SLC44A1: variants seen among roughly 807,000 people sequenced by gnomAD.
SLC44A1 encodes the protein choline transporter-like protein 1.
SLC44A1 carries 26 observed loss-of-function variants against 79.3 expected under a neutral mutation model. The observed-to-expected ratio is 0.33, with a 90% CI of 0.24 to 0.46. The LOEUF is 0.46. Ranked by LOEUF, SLC44A1 falls within the 20% of genes least tolerant of loss-of-function variation. The pLI, the probability that SLC44A1 is intolerant of heterozygous loss-of-function variation, is 1.00. For missense variants in SLC44A1, 688 were observed against 798.1 expected, an observed-to-expected ratio of 0.86 and a Z score of 1.66; for synonymous variants, 263 against 286.2, an observed-to-expected ratio of 0.92 and a Z score of 0.82.
intron 3 of SLC44A1, among the ~76,000 whole-genome samples, chr9:105,315,857 T>C (rs1014949405): frequency 6.6e-6 from 1 of 152,220 alleles, no homozygotes; most frequent in African/African-American, 2.4e-5. Context: ...CTCTTCCTCG[T>C]GATGACTTAA....
downstream of SLC44A1, among the ~76,000 whole-genome samples, chr9:105,397,656 T>C (rs1349293302): frequency 1.3e-5 from 2 of 152,064 alleles, no homozygotes; most frequent in East Asian, 1.9e-4. Context: ...TAGAAAAGCC[T>C]CCACTGGGCC....
intron 13 of SLC44A1, among the ~76,000 whole-genome samples, chr9:105,380,832 C>T (rs1413605703): frequency 2.6e-5 from 4 of 152,116 alleles, no homozygotes; most frequent in Non-Finnish European, 5.9e-5. Flanking sequence ...AACTACTGGG[C>T]TTTATCATGG....
Position 105,394,704 on chromosome 9 carries a change from T to C in SLC44A1, c.*5648T>C. 1.0e-6 allele frequency: 1 copy of C among 985,428 alleles called. No individual in the cohort carries two copies. Among genetic ancestry groups the C allele is most frequent in the Non-Finnish European group, 1.2e-6 (1 of 829,930 alleles). The allele number at this position is 985,428 out of a possible 1,614,324, so 61.0% of individuals were successfully genotyped here. On this transcript the variant is annotated 3_prime_UTR_variant, in exon 16 of 16. Transcript: ENST00000374720. ...TTCCAACAACAGTTGAAGATGATGA[T>C]AAATTAGCAAACTCAAGGGTAGTCC...
chr9:105,306,210 C>T (rs1170237378), intron 2 of SLC44A1, among the ~76,000 whole-genome samples: 1 of 152,158 alleles, frequency 6.6e-6, no homozygotes, highest in East Asian at 1.9e-4. Context: ...CTTCCTACTC[C>T]ATGCTTATGA....
At chr9:105,258,833 G>A (rs1006183979) in intron 1 of SLC44A1, among the ~76,000 whole-genome samples, 5 of 151,786 alleles carry the variant, frequency 3.3e-5, no homozygotes, top group Admixed American at 6.6e-5. Flanking sequence ...GATTATAGGC[G>A]CCAACCACAA....
At chr9:105,365,086 C>A (rs1827898882) in intron 10 of SLC44A1, among the ~76,000 whole-genome samples, 1 of 152,152 alleles carries the variant, frequency 6.6e-6, no homozygotes, top group African/African-American at 2.4e-5. Context: ...TGTGAGTTCC[C>A]TTTGCTAACT....
intron 12 of SLC44A1, among the ~76,000 whole-genome samples, chr9:105,370,198 A>G (rs1360512225): frequency 6.6e-6 from 1 of 152,220 alleles, no homozygotes; most frequent in African/African-American, 2.4e-5. Context: ...ATTCTTAAGA[A>G]CTTAAGCAAG....
At chr9:105,362,062 G>GCA (rs1491281033) in intron 8 of SLC44A1, among the ~76,000 whole-genome samples, 1 of 150,384 alleles carries the variant, frequency 6.6e-6, no homozygotes, top group African/African-American at 2.4e-5. Flanking sequence ...GCGTGTGTGT[G>GCA]CGCGCGCGCG....
intron 1 of SLC44A1, among the ~76,000 whole-genome samples, chr9:105,258,196 G>A (rs1326085921): frequency 6.6e-6 from 1 of 152,164 alleles, no homozygotes; most frequent in African/African-American, 2.4e-5. Flanking sequence ...AGTTGAGATG[G>A]GGACTAGTTT....
rs192413714 is a variant in SLC44A1, at chr9:105,406,632, C to A, written c.1950+21130C>A. Among the ~76,000 whole-genome samples the A allele has an allele frequency of 2.0e-5, 3 of 152,244 alleles. No individual in the cohort carries two copies. In the East Asian group the frequency reaches 5.8e-4, roughly 29 times the overall value. ...TGGCGTGCATCTGTAGTCCCACCTACTCAGGAGGCTGAGGTGGGAGGCTTC... is the reference window on the plus strand; with the variant it reads ...TGGCGTGCATCTGTAGTCCCACCTAATCAGGAGGCTGAGGTGGGAGGCTTC... On this transcript the variant is annotated intron_variant, in intron 15 of 15. Transcript: ENST00000374724.
At position 105,394,199 on chromosome 9, in the gene SLC44A1, G is replaced by A; in HGVS notation, c.*5143G>A. 1.0e-6 allele frequency: 1 copy of A among 985,364 alleles called. No homozygotes were observed. The allele number at this position is 985,364 out of a possible 1,614,324, so 61.0% of individuals were successfully genotyped here. A position where few individuals can be genotyped will look rare whatever the true frequency, so the allele number is the denominator to read the frequency against. On this transcript the variant is annotated 3_prime_UTR_variant, in exon 16 of 16. Coordinates refer to ENST00000374720, the MANE Select transcript of SLC44A1 (RefSeq NM_080546.5). ...TGCTCTAAAGTTGTTCTGATAATGTGTTTTGAAATGAGGAAGTGATTAGGC... is the reference window on the plus strand; with the variant it reads ...TGCTCTAAAGTTGTTCTGATAATGTATTTTGAAATGAGGAAGTGATTAGGC...
intron 5 of SLC44A1, among the ~76,000 whole-genome samples, chr9:105,348,886 C>G (rs1324656160): frequency 1.3e-5 from 2 of 151,828 alleles, no homozygotes; most frequent in Admixed American, 1.3e-4. Flanking sequence ...GTGATTATTC[C>G]CCATAGTTTC....
downstream of SLC44A1, among the ~76,000 whole-genome samples, chr9:105,400,489 A>AAAAAAG (rs1554690314): frequency 6.6e-6 from 1 of 151,784 alleles, no homozygotes; most frequent in African/African-American, 2.4e-5. Flanking sequence ...CGCCATCTCA[A>AAAAAAG]AAAAAGAAAA....
At chr9:105,308,470 G>T (rs180694503) in intron 2 of SLC44A1, among the ~76,000 whole-genome samples, 3 of 152,308 alleles carry the variant, frequency 2.0e-5, no homozygotes, top group Admixed American at 6.5e-5. Flanking sequence ...TTTTTACGAA[G>T]TATAGCTTCA....
chr9:105,371,700 C>T (rs1311595624), intron 12 of SLC44A1, among the ~76,000 whole-genome samples: 1 of 111,400 alleles, frequency 9.0e-6, no homozygotes, highest in Non-Finnish European at 1.6e-5. Flanking sequence ...GCCTGGGCGA[C>T]AGAGTGAGAC....
At chr9:105,311,535 G>C (rs1436953156) in intron 3 of SLC44A1, among the ~76,000 whole-genome samples, 1 of 152,052 alleles carries the variant, frequency 6.6e-6, no homozygotes, top group African/African-American at 2.4e-5. Flanking sequence ...AGTAGAGCAG[G>C]CTGCAAATAC....
chr9:105,351,674 G>GAAAGAAAGAAAGAAAGAAAC (rs1359633907), intron 5 of SLC44A1, among the ~76,000 whole-genome samples: 1 of 148,550 alleles, frequency 6.7e-6, no homozygotes, highest in Non-Finnish European at 1.5e-5. Flanking sequence ...AAGAAAGAAA[G>GAAAGAAAGAAAGAAAGAAAC]AACCAAGAAA....
At chr9:105,245,525 C>A (rs1028063484) in intron 1 of SLC44A1, among the ~76,000 whole-genome samples, 7 of 152,216 alleles carry the variant, frequency 4.6e-5, no homozygotes, top group Admixed American at 4.6e-4. Context: ...ACCCCATCCC[C>A]CCTTAGTGCC....
chr9:105,270,109 A>C (rs1049661811), intron 1 of SLC44A1, among the ~76,000 whole-genome samples: 6 of 152,162 alleles, frequency 3.9e-5, no homozygotes, highest in African/African-American at 1.4e-4. Flanking sequence ...TAATGTCCCA[A>C]GCGTCGTGCT....
Sources: gnomAD v4.1 joint callset for allele counts (sites outside exome capture counted in the v4.1 genomes callset) on GRCh38, gnomAD v4.1.1 for gene constraint, MANE v1.5 for transcripts, NCBI Gene and HGNC (gene_info 2026-07-23, HGNC 2026-07-21) for gene names.